Variants in STXBP4 observed in about 807,000 individuals in gnomAD.
STXBP4 encodes syntaxin-binding protein 4.
STXBP4 carries 55 observed loss-of-function variants against 76.1 expected under a neutral mutation model. The ratio of observed to expected loss-of-function variants is 0.72; its 90% CI spans 0.58 to 0.91. The LOEUF (loss-of-function observed/expected upper bound fraction) is 0.91, where lower values mean the gene tolerates loss of function less well. STXBP4 is among the 40% of genes least tolerant of loss of function. STXBP4 has a pLI of 0.00. For synonymous variants in STXBP4, 201 were observed against 220.2 expected, an observed-to-expected ratio of 0.91 and a Z score of 0.77; for missense variants, 618 against 636.9, an observed-to-expected ratio of 0.97 and a Z score of 0.32.
intron 13 of STXBP4, 31 bp from the exon 14 acceptor site, chr17:55,078,047 T>A: frequency 7.1e-7 from 1 of 1,405,640 alleles, no homozygotes; most frequent in South Asian, 1.3e-5. Context: ...TGAAGAAATG[T>A]GTAAATGCTC....
chr17:55,069,204 T>C (rs998143938), intron 12 of STXBP4, among the ~76,000 whole-genome samples: 1 of 151,872 alleles, frequency 6.6e-6, no homozygotes, highest in African/African-American at 2.4e-5. Flanking sequence ...TAATTCAGGA[T>C]TCCCTTCTAG....
At chr17:55,104,273 A>AT (rs2079602224) in intron 16 of STXBP4, among the ~76,000 whole-genome samples, 1 of 152,160 alleles carries the variant, frequency 6.6e-6, no homozygotes, top group Non-Finnish European at 1.5e-5. Flanking sequence ...TGTCATAAAT[A>AT]GCTTTTATGA....
Position 55,159,868 on chromosome 17 carries a change from A to C in STXBP4, c.1619A>C (p.Asn540Thr), listed in dbSNP as rs759562752. ...CTGAATCTATCTCGCTCAGAGGAGA[A>C]TGAAGAGGATTGCTCTAGAGAACTC... is the stretch of plus-strand genomic sequence containing the variant. ...SVLNLSRSEE[N>T]EEDCSRELPN... Residue 540 changes from asparagine to threonine, a missense_variant, in exon 18 of 18, where the codon AAT (asparagine) becomes ACT (threonine). Coordinates refer to ENST00000376352, the MANE Select transcript of STXBP4 (RefSeq NM_178509.6). 40 of 1,614,042 alleles carry C rather than the reference A, an allele frequency of 2.5e-5. No individual in the cohort carries two copies. The highest frequency in any genetic ancestry group is 3.3e-5 in the Non-Finnish European group (39 of 1,179,926).
the STXBP4 span, among the ~76,000 whole-genome samples, chr17:55,204,120 A>G: frequency 6.6e-6 from 1 of 151,438 alleles, no homozygotes; most frequent in Admixed American, 6.6e-5. Flanking sequence ...CTGTCCTTCT[A>G]TTTTTAATGC....
chr17:55,171,010 G>A lies in STXBP4; in HGVS notation c.*11099G>A, dbSNP rs1224212951. On this transcript the variant is annotated 3_prime_UTR_variant, in exon 18 of 18. Transcript: ENST00000376352. Reference sequence around the variant, plus strand: ...GTATCATTGGTTGAGCAGTCCTGCAGGACATCTAAGTTTACCGTCTTTATC... The same window carrying A: ...GTATCATTGGTTGAGCAGTCCTGCAAGACATCTAAGTTTACCGTCTTTATC... The A allele has an allele frequency of 6.6e-6, 1 of 152,176 alleles. No individual in the cohort carries two copies. The highest frequency in any genetic ancestry group is 1.5e-5 in the Non-Finnish European group (1 of 68,032). The allele number at this position is 152,176 out of a possible 1,614,324, so 9.4% of individuals were successfully genotyped here. A position where few individuals can be genotyped will look rare whatever the true frequency, so the allele number is the denominator to read the frequency against.
chr17:55,116,675 A>G (rs1332738198), intron 16 of STXBP4, among the ~76,000 whole-genome samples: 2 of 151,798 alleles, frequency 1.3e-5, no homozygotes, highest in Non-Finnish European at 3.0e-5. Context: ...TAACTGTCAT[A>G]TAAGTTAAAC....
At chr17:55,024,032 TA>T (rs1386706162) in intron 8 of STXBP4, among the ~76,000 whole-genome samples, 1 of 146,928 alleles carries the variant, frequency 6.8e-6, no homozygotes, top group Non-Finnish European at 1.5e-5. Context: ...TTTACAAAAG[TA>T]AAAAAACTGA....
intron 16 of STXBP4, among the ~76,000 whole-genome samples, chr17:55,085,619 AAG>A (rs1320376629): frequency 1.3e-5 from 2 of 151,974 alleles, no homozygotes; most frequent in African/African-American, 4.8e-5. Flanking sequence ...AAGAATGAGA[AAG>A]AGAGAAAGAA....
rs569719751 is a variant in STXBP4, at chr17:55,097,580, A to G, written c.1489+16397A>G. On this transcript the variant is annotated intron_variant, in intron 16 of 17. Transcript: ENST00000376352. ...CAGGAGGCTGAGGCAGGAGAATGGC[A>G]TGAACCCGGGAGGCGGAGCTTGCAA... is the stretch of plus-strand genomic sequence containing the variant. 5.8e-3 allele frequency among the ~76,000 whole-genome samples: 879 copies of G among 151,944 alleles called. 4 individuals are homozygous for G. Among genetic ancestry groups the G allele is most frequent in the Non-Finnish European group, 6.4e-3 (433 of 67,952 alleles).
At chr17:55,083,780 A>G (rs1335606704) in intron 16 of STXBP4, among the ~76,000 whole-genome samples, 1 of 152,188 alleles carries the variant, frequency 6.6e-6, no homozygotes, top group Non-Finnish European at 1.5e-5. Context: ...TCAAGGCTCC[A>G]GCATAGGTGT....
chr17:54,999,908 T>C, intron 6 of STXBP4, 66 bp downstream of exon 6: 1 of 1,054,712 alleles, frequency 9.5e-7, no homozygotes, highest in Non-Finnish European at 1.4e-6. Context: ...ATTTTTACAT[T>C]GGTTATGTAC....
chr17:55,154,235 A>C (rs541738237), intron 17 of STXBP4, among the ~76,000 whole-genome samples: 1 of 152,216 alleles, frequency 6.6e-6, no homozygotes, highest in South Asian at 2.1e-4. Context: ...GCTTCTTAAA[A>C]ACCCTGACCC....
intron 12 of STXBP4, among the ~76,000 whole-genome samples, chr17:55,051,273 G>A (rs554492633): frequency 1.8e-4 from 28 of 152,080 alleles, no homozygotes; most frequent in African/African-American, 6.3e-4. Flanking sequence ...CAAGTGTACT[G>A]AAGAAAATGA....
chr17:55,054,974 A>G (rs577362056), intron 12 of STXBP4, among the ~76,000 whole-genome samples: 5 of 152,286 alleles, frequency 3.3e-5, no homozygotes, highest in Admixed American at 6.5e-5. Context: ...TTTGTGGTCA[A>G]AATAAACCTT....
intron 16 of STXBP4, among the ~76,000 whole-genome samples, chr17:55,118,558 A>G (rs2060983032): frequency 1.9e-5 from 2 of 107,336 alleles, no homozygotes; most frequent in African/African-American, 4.2e-5. Flanking sequence ...GTCAAAAGAA[A>G]GGGCTGGGAT....
the STXBP4 span, among the ~76,000 whole-genome samples, chr17:55,206,395 T>G: frequency 6.6e-6 from 1 of 152,146 alleles, no homozygotes; most frequent in Non-Finnish European, 1.5e-5. Flanking sequence ...AATGAAAACT[T>G]CAACTTCACA....
the STXBP4 span, among the ~76,000 whole-genome samples, chr17:55,185,253 TTCTCCTTCTCCTTCTC>T: frequency 6.7e-3 from 323 of 47,990 alleles, 1 homozygote; most frequent in South Asian, 8.7e-3. Context: ...CTTCTTCTCC[TTCTCCTTCTCCTTCTC>T]CTTCTCCTTC....
chr17:55,095,548 A>G (rs931201813), intron 16 of STXBP4, among the ~76,000 whole-genome samples: 4 of 152,212 alleles, frequency 2.6e-5, no homozygotes, highest in Non-Finnish European at 5.9e-5. Flanking sequence ...ATAATTATTT[A>G]TCATGATAAA....
At chr17:55,203,444 ATTGT>A in the STXBP4 span, among the ~76,000 whole-genome samples, 23 of 152,290 alleles carry the variant, frequency 1.5e-4, no homozygotes, top group African/African-American at 5.5e-4. Flanking sequence ...ATAGATGCTC[ATTGT>A]TTGTAGAATG....
Sources: gnomAD v4.1 joint callset for allele counts (sites outside exome capture counted in the v4.1 genomes callset) on GRCh38, gnomAD v4.1.1 for gene constraint, MANE v1.5 for transcripts, NCBI Gene and HGNC (gene_info 2026-07-23, HGNC 2026-07-21) for gene names.